Variants in IL16 observed in about 807,000 individuals in gnomAD.
The protein encoded by IL16 is interleukin 16, also known as pro-interleukin-16.
In IL16, 67 loss-of-function variants were observed where a neutral mutation model predicts 110.1. The ratio of observed to expected loss-of-function variants is 0.61; its 90% CI spans 0.50 to 0.75. IL16 has a LOEUF of 0.75. IL16 is among the 30% of genes least tolerant of loss of function. The pLI is 0.00. For missense variants in IL16, 1,545 were observed against 1,655.0 expected (o/e 0.93, Z 1.15); for synonymous variants, 689 against 662.9 (o/e 1.04, Z -0.61).
chr15:81,282,553 G>A, intron 8 of IL16, 86 bp from the exon 9 acceptor site: 1 of 924,284 alleles, frequency 1.1e-6, no homozygotes, highest in Admixed American at 1.7e-5. Context: ...TAACCAGGGG[G>A]CCATGTCTGT....
At chr15:81,242,511 T>C (rs972642990) in intron 2 of IL16, among the ~76,000 whole-genome samples, 1 of 152,182 alleles carries the variant, frequency 6.6e-6, no homozygotes, top group African/African-American at 2.4e-5. Context: ...ATAAATGGTA[T>C]GCATTTTAAT....
chr15:81,198,182 G>A (rs1256728788), intron 1 of IL16, among the ~76,000 whole-genome samples: 2 of 152,168 alleles, frequency 1.3e-5, no homozygotes, highest in Non-Finnish European at 2.9e-5. Context: ...AATCCCCAGT[G>A]AGTCTTTTAA....
At chr15:81,301,236 A>G in intron 14 of IL16, 108 bp from the exon 15 acceptor site, 1 of 861,420 alleles carries the variant, frequency 1.2e-6, no homozygotes, top group Non-Finnish European at 1.8e-6. Context: ...ATCAAATAAT[A>G]TGCACATAAG....
At chr15:81,247,796 A>C (rs1316700948) in intron 2 of IL16, among the ~76,000 whole-genome samples, 1 of 152,134 alleles carries the variant, frequency 6.6e-6, no homozygotes, top group East Asian at 1.9e-4. Flanking sequence ...CTCTAGCAGC[A>C]ACTCATCTGT....
chr15:81,288,829 A>G (rs77587707), intron 10 of IL16, among the ~76,000 whole-genome samples: 72 of 140,968 alleles, frequency 5.1e-4, no homozygotes, highest in African/African-American at 1.5e-3. Flanking sequence ...TAGTATGTGT[A>G]TGTGTGTGTG....
At position 81,312,431 on chromosome 15, in the gene IL16, G is replaced by A. The variant is rs754509804; in HGVS notation, c.*3633G>A. 1 of 152,256 alleles carries A rather than the reference G, an allele frequency of 6.6e-6. No homozygotes were observed. The highest frequency in any genetic ancestry group is 2.4e-5 in the African/African-American group (1 of 41,466). The allele number at this position is 152,256 out of a possible 1,614,324, so 9.4% of individuals were successfully genotyped here. ...CCTCCTGCCTCCGCCTCAGTAAGAC[G>A]ACAAGGAAAGGCAAATGCCCAAGGG... On this transcript the variant is annotated 3_prime_UTR_variant, in exon 19 of 19. Coordinates refer to ENST00000683961, the MANE Select transcript of IL16 (RefSeq NM_172217.5).
chr15:81,218,302 G>C lies in IL16; in HGVS notation c.-101-6997G>C, dbSNP rs139883640. On this transcript the variant is annotated intron_variant, in intron 1 of 18. Transcript: ENST00000683961. ...GGAAAAATGTAATTAAAAATATTTA[G>C]AGCCCAAATAAAGAAGAGTGTAAAA... Among the ~76,000 whole-genome samples, 124 of 152,022 alleles carry C rather than the reference G, an allele frequency of 8.2e-4. 1 individual carries two copies. The East Asian group carries it at 0.011, about 14-fold the overall frequency.
intron 2 of IL16, among the ~76,000 whole-genome samples, chr15:81,230,883 C>T (rs1379963894): frequency 6.6e-6 from 1 of 151,936 alleles, no homozygotes; most frequent in South Asian, 2.1e-4. Context: ...AGGTAGGATT[C>T]CCTGGAGAGT....
At chr15:81,235,311 G>A (rs1307565257) in intron 2 of IL16, among the ~76,000 whole-genome samples, 2 of 152,094 alleles carry the variant, frequency 1.3e-5, no homozygotes, top group Non-Finnish European at 2.9e-5. Context: ...GCATCTACTC[G>A]GCTTCTGGTG....
chr15:81,289,901 C>T (rs959568508), intron 10 of IL16: 4 of 452,756 alleles, frequency 8.8e-6, no homozygotes, highest in Non-Finnish European at 1.8e-5. Flanking sequence ...TATTATTTTA[C>T]AGAAGGAAGA....
At chr15:81,300,565 A>C in intron 14 of IL16, 90 bp downstream of exon 14, 1 of 782,146 alleles carries the variant, frequency 1.3e-6, no homozygotes, top group Non-Finnish European at 1.9e-6. Flanking sequence ...ATATAATTTA[A>C]AAAATTCCCA....
At chr15:81,231,365 T>C (rs978948478) in intron 2 of IL16, among the ~76,000 whole-genome samples, 8 of 143,898 alleles carry the variant, frequency 5.6e-5, no homozygotes, top group African/African-American at 2.2e-4. Context: ...TCTCTCTCTC[T>C]CTCTCTCTCT....
rs1176369623 is a variant in IL16, at chr15:81,292,777, C to T, written c.1642C>T (p.Leu548=). Residue 548 remains leucine, a synonymous_variant, in exon 12 of 19, where the codon CTG becomes TTG. Coordinates refer to ENST00000683961, the MANE Select transcript of IL16 (RefSeq NM_172217.5). ...CAGCACACACAGCCCCAGCTTGCCTCTGGCACGGGAGCCAGTGGTGCTTTC... is the reference window on the plus strand; with the variant it reads ...CAGCACACACAGCCCCAGCTTGCCTTTGGCACGGGAGCCAGTGGTGCTTTC... ...DISTHSPSLP[L]AREPVVLSIA... is the part of the protein sequence containing the mutation. 6.2e-7 allele frequency: 1 copy of T among 1,614,058 alleles called. No individual in the cohort carries two copies. The highest frequency in any genetic ancestry group is 2.2e-5 in the East Asian group (1 of 44,896).
chr15:81,250,926 T>C (rs4128768), intron 2 of IL16, among the ~76,000 whole-genome samples: 23,029 of 152,196 alleles, frequency 0.15, 2,021 homozygotes, highest in Middle Eastern at 0.22. Context: ...TTAAACTCTC[T>C]TTCCTAGGAA....
intron 4 of IL16, 152 bp downstream of exon 4, chr15:81,265,953 T>C (rs1437053054): frequency 2.8e-6 from 2 of 723,232 alleles, no homozygotes; most frequent in Admixed American, 3.0e-5. Context: ...TGCAAGAAGG[T>C]ACAACCATCT....
chr15:81,303,346 A>ATTTTT lies in IL16; in HGVS notation c.3319-197_3319-193dup. 7.6e-6 allele frequency: 4 copies of ATTTTT among 527,952 alleles called. No homozygotes were observed. Among genetic ancestry groups the ATTTTT allele is most frequent in the South Asian group, 2.3e-5 (1 of 42,672 alleles). The allele number at this position is 527,952 out of a possible 1,614,324, so 32.7% of individuals were successfully genotyped here. A position where few individuals can be genotyped will look rare whatever the true frequency, so the allele number is the denominator to read the frequency against. On this transcript the variant is annotated intron_variant, in intron 15 of 18. Coordinates refer to ENST00000683961, the MANE Select transcript of IL16 (RefSeq NM_172217.5). The surrounding 1 kb of genome is among the most constrained non-coding windows in gnomAD (Gnocchi z 4.1). Reference sequence around the variant, plus strand: ...TAATTATGCTTGCTGCTTTACATACATTTTTTTTTTCTTCTAAGCTTCCCA... The same window carrying ATTTTT: ...TAATTATGCTTGCTGCTTTACATACATTTTTTTTTTTTTTTCTTCTAAGCTTCCCA...
intron 1 of IL16, among the ~76,000 whole-genome samples, chr15:81,190,815 C>T (rs1400706741): frequency 6.6e-6 from 1 of 152,078 alleles, no homozygotes; most frequent in Non-Finnish European, 1.5e-5. Context: ...ACAATTACAC[C>T]CCAGACCCAG....
chr15:81,278,030 CTATTTATTTATTTATT>C (rs72239238), intron 6 of IL16, among the ~76,000 whole-genome samples: 7 of 149,240 alleles, frequency 4.7e-5, no homozygotes, highest in South Asian at 2.1e-4. Flanking sequence ...GATCCAAGTC[CTATTTATTTATTTATT>C]TATTTATTTA....
chr15:81,190,611 A>G (rs1485606821), intron 1 of IL16, among the ~76,000 whole-genome samples: 1 of 152,138 alleles, frequency 6.6e-6, no homozygotes, highest in Non-Finnish European at 1.5e-5. Context: ...TACTGTGTGG[A>G]TGGTACTTAG....
Sources: gnomAD v4.1 joint callset for allele counts (sites outside exome capture counted in the v4.1 genomes callset) on GRCh38, gnomAD v4.1.1 for gene constraint, Gnocchi (gnomAD v3.1) non-coding constraint, MANE v1.5 for transcripts, NCBI Gene and HGNC (gene_info 2026-07-23, HGNC 2026-07-21) for gene names.